Variants in ASTN1 observed in about 807,000 individuals in gnomAD.
The protein encoded by ASTN1 is astrotactin 1, also known as astrotactin-1.
A neutral mutation model predicts 140.7 loss-of-function variants in ASTN1; 41 were observed. That is an observed-to-expected ratio of 0.29 (90% CI 0.23 to 0.38). The LOEUF is 0.38. Among genes scored for constraint, ASTN1 ranks in the 10% least tolerant of loss-of-function variants. ASTN1 has a pLI of 1.00. For missense variants in ASTN1, 1,479 were observed against 1,678.8 expected (o/e 0.88, Z 2.08); for synonymous variants, 640 against 652.2 (o/e 0.98, Z 0.29).
rs1667960074 is a variant in ASTN1, at chr1:176,861,487, TA to T, written c.*2796del. On this transcript the variant is annotated 3_prime_UTR_variant, in exon 23 of 23. Transcript: ENST00000361833. Reference sequence around the variant, plus strand: ...ACCGGTCCAGTACCATCACCCTTTCTAGCCAGGATGGGTTCCTTCAGGTAAG... The same window carrying T: ...ACCGGTCCAGTACCATCACCCTTTCTGCCAGGATGGGTTCCTTCAGGTAAG... The T allele has an allele frequency of 4.1e-6, 4 of 985,770 alleles. No individual in the cohort carries two copies. In the South Asian group the frequency reaches 1.9e-4, roughly 46 times the overall value. 61.1% of individuals were successfully genotyped at this position (985,770 alleles called of 1,614,324 possible).
At chr1:176,943,087 GA>G (rs1671809214) in intron 14 of ASTN1, among the ~76,000 whole-genome samples, 1 of 151,610 alleles carries the variant, frequency 6.6e-6, no homozygotes, top group African/African-American at 2.4e-5. Context: ...GTGTAACAGA[GA>G]AACGTACAAA....
At chr1:176,994,002 G>A (rs989159848) in intron 8 of ASTN1, among the ~76,000 whole-genome samples, 2 of 143,672 alleles carry the variant, frequency 1.4e-5, no homozygotes, top group African/African-American at 5.2e-5. Context: ...ATTTAGATGT[G>A]AGAACTGTGT....
intron 16 of ASTN1, among the ~76,000 whole-genome samples, chr1:176,923,120 A>G (rs758326757): frequency 6.6e-6 from 1 of 152,158 alleles, no homozygotes; most frequent in Non-Finnish European, 1.5e-5. Context: ...TCTGTCTAAT[A>G]CTAAACCCTT....
At chr1:176,980,570 A>G (rs1423842247) in intron 8 of ASTN1, among the ~76,000 whole-genome samples, 1 of 152,052 alleles carries the variant, frequency 6.6e-6, no homozygotes, top group East Asian at 1.9e-4. Flanking sequence ...AATAAAAGGG[A>G]CAGGGATTTC....
intron 1 of ASTN1, among the ~76,000 whole-genome samples, chr1:177,074,360 A>G (rs1269690683): frequency 6.6e-6 from 1 of 152,190 alleles, no homozygotes; most frequent in East Asian, 1.9e-4. Flanking sequence ...TCCATGCCCA[A>G]CAAATATAGT....
At position 176,862,403 on chromosome 1, in the gene ASTN1, C is replaced by G; in HGVS notation, c.*1881G>C. On this transcript the variant is annotated 3_prime_UTR_variant, in exon 23 of 23. Coordinates refer to ENST00000361833, the MANE Select transcript of ASTN1 (RefSeq NM_004319.3). ...TGGAACTAGGGGTCCCAAGGGTGCT[C>G]TAGCTCCAAAGGCTAAGGGCGTACT... is the stretch of plus-strand genomic sequence containing the variant. 1 of 985,464 alleles carries G rather than the reference C, an allele frequency of 1.0e-6. No homozygotes were observed. The highest frequency in any genetic ancestry group is 4.7e-5 in the South Asian group (1 of 21,282). The allele number at this position is 985,464 out of a possible 1,614,324, so 61.0% of individuals were successfully genotyped here.
chr1:176,869,514 G>T (rs976981351), intron 21 of ASTN1, among the ~76,000 whole-genome samples: 3 of 152,256 alleles, frequency 2.0e-5, no homozygotes, highest in Admixed American at 6.5e-5. Flanking sequence ...AAGCAGGAGC[G>T]AAGATAAAGG....
intron 2 of ASTN1, among the ~76,000 whole-genome samples, chr1:177,055,871 T>G (rs879477632): frequency 7.9e-5 from 12 of 152,206 alleles, no homozygotes; most frequent in Non-Finnish European, 1.6e-4. Context: ...GTAACAGATC[T>G]GCTGAAGGCA....
At chr1:176,967,950 G>A (rs1032780851) in intron 8 of ASTN1, among the ~76,000 whole-genome samples, 1 of 152,200 alleles carries the variant, frequency 6.6e-6, no homozygotes, top group East Asian at 1.9e-4. Context: ...ACCCCATCCT[G>A]ATCACATTTA....
intron 1 of ASTN1, among the ~76,000 whole-genome samples, chr1:177,141,421 G>A (rs1682465182): frequency 6.6e-6 from 1 of 151,972 alleles, no homozygotes. Flanking sequence ...CTCTACCCTT[G>A]TACACATTGT....
intron 1 of ASTN1, among the ~76,000 whole-genome samples, chr1:177,127,038 T>G (rs578177946): frequency 3.9e-5 from 6 of 152,164 alleles, no homozygotes; most frequent in Admixed American, 6.5e-5. Context: ...GCATAAACAA[T>G]AAGCATAAAA....
chr1:177,041,560 G>A (rs369735233), intron 2 of ASTN1, among the ~76,000 whole-genome samples: 8 of 152,078 alleles, frequency 5.3e-5, no homozygotes, highest in African/African-American at 1.2e-4. Flanking sequence ...AATAAATATC[G>A]CCAGCTGGAT....
chr1:176,958,253 G>A, intron 10 of ASTN1, 92 bp downstream of exon 10: 1 of 1,581,410 alleles, frequency 6.3e-7, no homozygotes, highest in Non-Finnish European at 8.6e-7. Context: ...TTAGCTTGTT[G>A]GGACTCCTTC....
chr1:177,056,610 G>A (rs1033049382), intron 2 of ASTN1, among the ~76,000 whole-genome samples: 1 of 149,996 alleles, frequency 6.7e-6, no homozygotes, highest in East Asian at 2.0e-4. Context: ...AAGAATTTTA[G>A]AAAGGCTACT....
intron 1 of ASTN1, among the ~76,000 whole-genome samples, chr1:177,086,154 T>C (rs1444489869): frequency 1.3e-5 from 2 of 152,096 alleles, no homozygotes; most frequent in East Asian, 1.9e-4. Flanking sequence ...CCTGGTCTTT[T>C]ATAATAGCAG....
chr1:176,975,786 A>G (rs1673338063), intron 8 of ASTN1, among the ~76,000 whole-genome samples: 1 of 152,220 alleles, frequency 6.6e-6, no homozygotes, highest in South Asian at 2.1e-4. Flanking sequence ...ACTGGTCCTC[A>G]AATTTTGATG....
chr1:176,965,300 C>T (rs367954293), intron 8 of ASTN1, 63 bp from the exon 9 acceptor site: 145 of 1,550,792 alleles, frequency 9.4e-5, no homozygotes, highest in Non-Finnish European at 1.2e-4. Context: ...ACACCCACTT[C>T]GTATCAGGCA....
At chr1:176,930,139 G>T (rs1055734396) in intron 16 of ASTN1, among the ~76,000 whole-genome samples, 1 of 152,176 alleles carries the variant, frequency 6.6e-6, no homozygotes, top group African/African-American at 2.4e-5. Flanking sequence ...GAGAAGAGGA[G>T]ACCCTGTTGA....
rs200645600 is a variant in ASTN1 at position 177,029,687 on chromosome 1, T to A, written c.1067A>T (p.Asp356Val). The A allele has an allele frequency of 4.7e-5, 76 of 1,613,546 alleles. No homozygotes were observed. Among genetic ancestry groups the A allele is most frequent in the Non-Finnish European group, 1.3e-5 (15 of 1,179,878 alleles). ...EGDSGTEAEN[D>V]PQLTFYTDPS... ...ATCCGTGTAAAAGGTCAGCTGGGGG[T>A]CGTTTTCTGCCTCTGTGCCAGAATC... Residue 356 changes from aspartate (D) to valine (V), a missense_variant, in exon 5 of 23, where the codon GAC becomes GTC. By Grantham distance (152) the Asp-to-Val change is radical. Coordinates refer to ENST00000361833, the MANE Select transcript of ASTN1 (RefSeq NM_004319.3).
Sources: gnomAD v4.1 joint callset for allele counts (sites outside exome capture counted in the v4.1 genomes callset) on GRCh38, gnomAD v4.1.1 for gene constraint, MANE v1.5 for transcripts, NCBI Gene and HGNC (gene_info 2026-07-23, HGNC 2026-07-21) for gene names.